The following EMSY variants were observed in gnomAD, a reference collection of about 807,000 sequenced individuals.
EMSY encodes the protein EMSY transcriptional repressor, BRCA2 interacting, also known as BRCA2-interacting transcriptional repressor EMSY.
A neutral mutation model predicts 134.6 loss-of-function variants in EMSY; 26 were observed. That is an observed-to-expected ratio of 0.19 (90% CI 0.14 to 0.27). EMSY has a LOEUF of 0.27. Among genes scored for constraint, EMSY ranks in the 10% least tolerant of loss-of-function variants. The pLI is 1.00. For synonymous variants in EMSY, 579 were observed against 577.8 expected, an observed-to-expected ratio of 1.00 and a Z score of -0.03; for missense variants, 1,305 against 1,611.4, an observed-to-expected ratio of 0.81 and a Z score of 3.26.
intron 8 of EMSY, 36 bp downstream of exon 9, chr11:76,472,876 T>C (rs754657014): frequency 4.4e-6 from 7 of 1,602,888 alleles, no homozygotes; most frequent in African/African-American, 4.0e-5. Flanking sequence ...CTGTCACAGT[T>C]GCTATATGGA....
intron 19 of EMSY, 22 bp downstream of exon 20, chr11:76,544,844 G>A (rs1408115573): frequency 1.2e-6 from 2 of 1,607,322 alleles, no homozygotes; most frequent in Non-Finnish European, 1.7e-6. Flanking sequence ...TTGATAGCAT[G>A]CAAAGTTAAA....
intron 9 of EMSY, among the ~76,000 whole-genome samples, chr11:76,505,695 A>G (rs1026492594): frequency 1.3e-5 from 2 of 151,650 alleles, no homozygotes; most frequent in Admixed American, 6.6e-5. Context: ...ATCTCTACTA[A>G]AAATACAAAA....
intron 6 of EMSY, 115 bp downstream of exon 7, chr11:76,460,200 A>G: frequency 8.1e-7 from 1 of 1,235,054 alleles, no homozygotes; most frequent in Non-Finnish European, 1.1e-6. Flanking sequence ...TTAGTAGGTT[A>G]GTTTTTGAAG....
rs560069676 is a variant in EMSY at position 76,537,436 on chromosome 11, C to T, written c.2360-359C>T. Among the ~76,000 whole-genome samples the T allele has an allele frequency of 3.3e-5, 5 of 152,130 alleles. No individual in the cohort carries two copies. In the South Asian group the frequency reaches 1.0e-3, roughly 32 times the overall value. ...ATCATGTTATGTACTGCTTATTCAC[C>T]CTTTGTTTTTAGGTTGATGAACTCA... On this transcript the variant is annotated intron_variant, in intron 15 of 20. Coordinates refer to ENST00000334736, the Ensembl canonical transcript of EMSY.
intron 13 of EMSY, 150 bp from the exon 15 acceptor site, chr11:76,528,118 T>A (rs1950908381): frequency 1.5e-6 from 1 of 680,576 alleles, no homozygotes; most frequent in Non-Finnish European, 2.5e-6. Context: ...GTAGATTGAA[T>A]TACCCTTTGA....
At chr11:76,461,816 G>A (rs1271343624) in intron 6 of EMSY, among the ~76,000 whole-genome samples, 1 of 150,862 alleles carries the variant, frequency 6.6e-6, no homozygotes, top group South Asian at 2.1e-4. Flanking sequence ...CCTGTAATCC[G>A]AGCTATTTGG....
chr11:76,462,678 G>C (rs1948173362), intron 6 of EMSY, among the ~76,000 whole-genome samples: 1 of 152,216 alleles, frequency 6.6e-6, no homozygotes. Context: ...GATACTCAGA[G>C]ATGGATAGAA....
chr11:76,497,864 A>G (rs1290368855), intron 9 of EMSY, among the ~76,000 whole-genome samples: 1 of 151,020 alleles, frequency 6.6e-6, no homozygotes, highest in Non-Finnish European at 1.5e-5. Context: ...TACTTTCTTT[A>G]GGTTTATTTT....
chr11:76,538,830 T>A (rs1951323797), intron 16 of EMSY, among the ~76,000 whole-genome samples: 1 of 151,990 alleles, frequency 6.6e-6, no homozygotes, highest in Non-Finnish European at 1.5e-5. Flanking sequence ...TGGTGGCACT[T>A]GCCTGTAGTC....
chr11:76,547,436 A>G (rs1951693026), intron 20 of EMSY, among the ~76,000 whole-genome samples: 1 of 152,194 alleles, frequency 6.6e-6, no homozygotes, highest in East Asian at 1.9e-4. Flanking sequence ...TGACAAAAGG[A>G]TTTGTGATTT....
chr11:76,490,328 A>G (rs1349494598), intron 8 of EMSY, among the ~76,000 whole-genome samples: 1 of 152,042 alleles, frequency 6.6e-6, no homozygotes, highest in Non-Finnish European at 1.5e-5. Flanking sequence ...TGACCTGTGC[A>G]TTATAAACCT....
chr11:76,472,922 T>G, intron 8 of EMSY, 82 bp downstream of exon 9: 1 of 1,466,738 alleles, frequency 6.8e-7, no homozygotes, highest in Non-Finnish European at 9.4e-7. Context: ...GTTTCTCTGC[T>G]TTGGATATGA....
At chr11:76,493,463 A>G (rs1460417948) in intron 8 of EMSY, among the ~76,000 whole-genome samples, 3 of 152,154 alleles carry the variant, frequency 2.0e-5, no homozygotes, top group Non-Finnish European at 4.4e-5. Context: ...CTGGGCTGTC[A>G]GTTCCAGGTG....
At chr11:76,544,599 A>C in exon 19 of EMSY, 1 of 1,614,088 alleles carries the variant, frequency 6.2e-7, no homozygotes, top group Non-Finnish European at 8.5e-7. Context: ...CCCAAGCCAG[A>C]TGTACAGCAC....
At chr11:76,533,295 G>T (rs1332371491) in intron 14 of EMSY, among the ~76,000 whole-genome samples, 1 of 152,114 alleles carries the variant, frequency 6.6e-6, no homozygotes, top group Non-Finnish European at 1.5e-5. Flanking sequence ...GGACATAGGA[G>T]CTTTTGTCAG....
At chr11:76,453,194 CT>C in intron 3 of EMSY, 119 bp from the exon 4 acceptor site, 2 of 765,826 alleles carry the variant, frequency 2.6e-6, no homozygotes, top group Middle Eastern at 4.8e-4. Context: ...CTGTCTATAT[CT>C]TTTCACAAAG....
At chr11:76,470,862 A>G (rs184841669) in intron 7 of EMSY, among the ~76,000 whole-genome samples, 13 of 152,150 alleles carry the variant, frequency 8.5e-5, no homozygotes, top group African/African-American at 2.6e-4. Flanking sequence ...TTCTGTTTTT[A>G]AATTTATCAA....
chr11:76,503,949 T>TA (rs1438322025), intron 9 of EMSY, among the ~76,000 whole-genome samples: 1 of 151,220 alleles, frequency 6.6e-6, no homozygotes, highest in Non-Finnish European at 1.5e-5. Flanking sequence ...CACGCCCGGC[T>TA]AATTTTTTTT....
At chr11:76,488,536 T>G (rs1400350090) in intron 8 of EMSY, among the ~76,000 whole-genome samples, 1 of 136,038 alleles carries the variant, frequency 7.4e-6, no homozygotes, top group South Asian at 2.3e-4. Flanking sequence ...TTTTTTTTTG[T>G]TTTTTTTTTT....
Sources: gnomAD v4.1 joint callset for allele counts (sites outside exome capture counted in the v4.1 genomes callset) on GRCh38, gnomAD v4.1.1 for gene constraint, MANE v1.5 for transcripts, NCBI Gene and HGNC (gene_info 2026-07-23, HGNC 2026-07-21) for gene names.